The following CLDN6 variants were observed in gnomAD, a reference collection of about 807,000 sequenced individuals.
CLDN6 encodes the protein claudin-6.
For synonymous variants in CLDN6, 144 were observed against 131.2 expected, an observed-to-expected ratio of 1.10 and a Z score of -0.67; for missense variants, 279 against 284.1, an observed-to-expected ratio of 0.98 and a Z score of 0.13.
Position 3,015,991 on chromosome 16 carries a change from C to A in CLDN6, c.31G>T (p.Val11Phe). The A allele has an allele frequency of 6.2e-7, 1 of 1,613,918 alleles. No individual in the cohort carries two copies. Among genetic ancestry groups the A allele is most frequent in the Non-Finnish European group, 8.5e-7 (1 of 1,179,858 alleles). Residue 11 changes from valine (V) to phenylalanine (F), a missense_variant, in exon 2 of 2, where the codon GTC (valine) becomes TTC (phenylalanine). Transcript: ENST00000328796. MASAGMQILG[V>F]VLTLLGWVNG... ...ACCCAGCCCAGCAGTGTCAGGACGA[C>A]TCCCAGGATCTGCATTCCGGCAGAG...
chr16:3,016,379 C>T (rs995022418), intron 1 of CLDN6, among the ~76,000 whole-genome samples: 4 of 152,200 alleles, frequency 2.6e-5, no homozygotes, highest in African/African-American at 7.2e-5. Context: ...GGCTGCAAGG[C>T]GGCAAAAAGC....
At chr16:3,016,628 A>C (rs1485073422) in intron 1 of CLDN6, among the ~76,000 whole-genome samples, 1 of 141,506 alleles carries the variant, frequency 7.1e-6, no homozygotes, top group Non-Finnish European at 1.5e-5. Flanking sequence ...TTACAGGTGC[A>C]CACCACCACG....
At position 3,015,228 on chromosome 16, in the gene CLDN6, T is replaced by C. The variant is rs780482113; in HGVS notation, c.*131A>G. The C allele has an allele frequency of 3.7e-6, 3 of 801,570 alleles. No individual in the cohort carries two copies. Among genetic ancestry groups the C allele is most frequent in the Non-Finnish European group, 5.7e-6 (3 of 524,320 alleles). The allele number at this position is 801,570 out of a possible 1,614,324, so 49.7% of individuals were successfully genotyped here. On this transcript the variant is annotated 3_prime_UTR_variant, in exon 2 of 2. Transcript: ENST00000328796. ...CACCTTGGCTCAGTTTTCAAATGAA[T>C]TTTAAATATCCTCAGTCAAAAGAAA...
Position 3,015,000 on chromosome 16 carries a change from C to T in CLDN6, c.*359G>A. ...GCTGTCCAGTGACATCTAGGGAAGCCCAGCCCCCAGCAGCAGCAGGAACTC... is the reference window on the plus strand; with the variant it reads ...GCTGTCCAGTGACATCTAGGGAAGCTCAGCCCCCAGCAGCAGCAGGAACTC... On this transcript the variant is annotated 3_prime_UTR_variant, in exon 2 of 2. Transcript: ENST00000328796. 2.4e-6 allele frequency: 1 copy of T among 413,292 alleles called. No homozygotes were observed. The highest frequency in any genetic ancestry group is 4.3e-6 in the Non-Finnish European group (1 of 235,024). 25.6% of individuals were successfully genotyped at this position (413,292 alleles called of 1,614,324 possible).
rs200284924 is a variant in CLDN6 at position 3,015,860 on chromosome 16, G to A, written c.162C>T (p.Cys54=). 2.1e-5 allele frequency: 34 copies of A among 1,614,220 alleles called. No homozygotes were observed. Among genetic ancestry groups the A allele is most frequent in the Admixed American group, 1.2e-4 (7 of 60,024 alleles). The change falls in exon 2 of 2, where the codon TGC becomes TGT. Residue 54 remains cysteine, a synonymous_variant. Coordinates refer to ENST00000328796, the MANE Select transcript of CLDN6 (RefSeq NM_021195.5). ...GCATCTGGCCGGTGCTCTGCACCAC[G>A]CAGGACATCCACAGGCCCTCCCACA... ...QVVWEGLWMS[C]VVQSTGQMQC... is the part of the protein sequence containing the mutation.
rs1025453189 is a variant in CLDN6 at position 3,015,207 on chromosome 16, T to C, written c.*152A>G. ...CTAAGTGAGAGTCTGAGTCAACACC[T>C]TGGCTCAGTTTTCAAATGAATTTTA... is the stretch of plus-strand genomic sequence containing the variant. On this transcript the variant is annotated 3_prime_UTR_variant, in exon 2 of 2. Coordinates refer to ENST00000328796, the MANE Select transcript of CLDN6 (RefSeq NM_021195.5). The C allele has an allele frequency of 4.6e-6, 3 of 656,310 alleles. No individual in the cohort carries two copies. The highest frequency in any genetic ancestry group is 7.4e-6 in the Non-Finnish European group (3 of 407,292). 40.7% of individuals were successfully genotyped at this position (656,310 alleles called of 1,614,324 possible).
At chr16:3,017,347 C>A (rs1449244586) in intron 1 of CLDN6, among the ~76,000 whole-genome samples, 1 of 152,198 alleles carries the variant, frequency 6.6e-6, no homozygotes, top group Non-Finnish European at 1.5e-5. Context: ...GAATTCTAGA[C>A]GAAAATGCCG....
In CLDN6 at chr16:3,015,757, G is replaced by A. The variant is rs748491367; in HGVS notation, c.265C>T (p.Leu89Phe). The change falls in exon 2 of 2, where the codon CTT (leucine) becomes TTT (phenylalanine). Residue 89 changes from leucine (L) to phenylalanine (F), a missense_variant. Leu to Phe is a conservative substitution (Grantham distance 22, BLOSUM62 0). Transcript: ENST00000328796. ...ACCAGCAAGCCGAACAGGGCCACAA[G>A]GAGGGCGATGACACAGAGGGCACGT... is the stretch of plus-strand genomic sequence containing the variant. The part of the protein sequence containing the change: ...AARALCVIAL[L>F]VALFGLLVYL... 2 of 1,613,996 alleles carry A rather than the reference G, an allele frequency of 1.2e-6. No individual in the cohort carries two copies. Among genetic ancestry groups the A allele is most frequent in the African/African-American group, 1.3e-5 (1 of 74,954 alleles).
At chr16:3,016,288 G>C (rs1385819963) in intron 1 of CLDN6, among the ~76,000 whole-genome samples, 2 of 152,234 alleles carry the variant, frequency 1.3e-5, no homozygotes, top group African/African-American at 4.8e-5. Flanking sequence ...AAGCAGCCCT[G>C]CCCTGGCTAT....
In CLDN6 at chr16:3,015,702, C is replaced by G. The variant is rs531709590; in HGVS notation, c.320G>C (p.Cys107Ser). 2.5e-6 allele frequency: 4 copies of G among 1,613,834 alleles called. No individual in the cohort carries two copies. The highest frequency in any genetic ancestry group is 3.4e-6 in the Non-Finnish European group (4 of 1,180,042). ...GGCCTTGGAATCCTTCTCCTCCACA[C>G]AGGTGGTACACTTGGCCCCAGCAAG... ...VYLAGAKCTT[C>S]VEEKDSKARL... Residue 107 changes from cysteine (C) to serine (S), a missense_variant, in exon 2 of 2, where the codon TGT (cysteine) becomes TCT (serine). Physicochemically the swap from Cys to Ser is moderately radical, Grantham distance 112. Coordinates refer to ENST00000328796, the MANE Select transcript of CLDN6 (RefSeq NM_021195.5).
rs1477893394 is a variant in CLDN6 at position 3,015,852 on chromosome 16, T to C, written c.170A>G (p.Gln57Arg). ...CTTGCACTGCATCTGGCCGGTGCTC[T>C]GCACCACGCAGGACATCCACAGGCC... ...WEGLWMSCVV[Q>R]STGQMQCKVY... Residue 57 changes from glutamine to arginine, a missense_variant, in exon 2 of 2, where the codon CAG becomes CGG. Transcript: ENST00000328796. The C allele has an allele frequency of 1.9e-6, 3 of 1,614,246 alleles. No homozygotes were observed. Among genetic ancestry groups the C allele is most frequent in the Non-Finnish European group, 2.5e-6 (3 of 1,180,048 alleles).
At chr16:3,017,865 G>T (rs1024157708) in intron 1 of CLDN6, among the ~76,000 whole-genome samples, 5 of 150,712 alleles carry the variant, frequency 3.3e-5, no homozygotes, top group South Asian at 2.1e-4. Context: ...TGAGGGGGAG[G>T]GGGGAGGGGC....
Position 3,015,567 on chromosome 16 carries a change from A to T in CLDN6, c.455T>A (p.Val152Glu). 6.2e-7 allele frequency: 1 copy of T among 1,613,154 alleles called. No individual in the cohort carries two copies. The highest frequency in any genetic ancestry group is 1.1e-5 in the South Asian group (1 of 91,084). Residue 152 changes from valine to glutamate, a missense_variant, in exon 2 of 2, where the codon GTG becomes GAG. By Grantham distance (121) the Val-to-Glu change is moderately radical (BLOSUM62 -2). Coordinates refer to ENST00000328796, the MANE Select transcript of CLDN6 (RefSeq NM_021195.5). ...AIIRDFYNPLVAEAQKRELGA... is the reference protein window; with the variant it reads ...AIIRDFYNPLEAEAQKRELGA... ...CAGCTCCCGCTTTTGGGCCTCAGCC[A>T]CCAGGGGGTTATAGAAGTCCCGGAT...
At chr16:3,017,478 G>A (rs1185583605) in intron 1 of CLDN6, among the ~76,000 whole-genome samples, 1 of 152,194 alleles carries the variant, frequency 6.6e-6, no homozygotes, top group Admixed American at 6.5e-5. Flanking sequence ...GCCTCCCACT[G>A]CCCAGAGTAC....
intron 1 of CLDN6, 63 bp from the exon 2 acceptor site, chr16:3,016,105 T>G: frequency 6.9e-7 from 1 of 1,448,664 alleles, no homozygotes. Flanking sequence ...AGGCCACATG[T>G]GGACAGGACT....
At position 3,015,539 on chromosome 16, in the gene CLDN6, C is replaced by G; in HGVS notation, c.483G>C (p.Gly161=). 6.2e-7 allele frequency: 1 copy of G among 1,612,994 alleles called. No homozygotes were observed. The highest frequency in any genetic ancestry group is 8.5e-7 in the Non-Finnish European group (1 of 1,179,930). ...CCGCCCAGCCCAAGTAGAGGGAGGC[C>G]CCCAGCTCCCGCTTTTGGGCCTCAG... ...LVAEAQKREL[G]ASLYLGWAAS... Residue 161 remains glycine (G), a synonymous_variant, in exon 2 of 2, where the codon GGG becomes GGC. Coordinates refer to ENST00000328796, the MANE Select transcript of CLDN6 (RefSeq NM_021195.5).
intron 1 of CLDN6, among the ~76,000 whole-genome samples, chr16:3,016,485 G>T (rs796613928): frequency 1.3e-5 from 2 of 152,118 alleles, no homozygotes; most frequent in African/African-American, 4.8e-5. Flanking sequence ...CATTTGTTTT[G>T]TTTGTTTGTT....
chr16:3,014,754 A>C lies in CLDN6; in HGVS notation c.*605T>G. The stretch of plus-strand genomic sequence containing the variant: ...CTTTATTTGATAAAAATGTGAGTGT[A>C]AAGGGGGTGAGACGAGGGGGGCAGG... On this transcript the variant is annotated 3_prime_UTR_variant, in exon 2 of 2. Transcript: ENST00000328796. 1 of 178,526 alleles carries C rather than the reference A, an allele frequency of 5.6e-6. No individual in the cohort carries two copies. Among genetic ancestry groups the C allele is most frequent in the Non-Finnish European group, 1.1e-5 (1 of 88,786 alleles). 11.1% of individuals were successfully genotyped at this position (178,526 alleles called of 1,614,324 possible).
chr16:3,018,112 G>A (rs1319738688), intron 1 of CLDN6, 37 bp downstream of exon 1: 1 of 152,400 alleles, frequency 6.6e-6, no homozygotes, highest in Non-Finnish European at 1.5e-5. Flanking sequence ...GGCCCCAAGA[G>A]GCGTCTCTCC....
Sources: allele counts gnomAD v4.1 joint callset (sites outside exome capture counted in the v4.1 genomes callset), GRCh38; gene constraint gnomAD v4.1.1; transcripts MANE v1.5; gene names NCBI Gene and HGNC (gene_info 2026-07-23, HGNC 2026-07-21).